SYN2: variants seen among roughly 807,000 people sequenced by gnomAD.
SYN2 encodes the protein synapsin II.
A neutral mutation model predicts 50.9 loss-of-function variants in SYN2; 19 were observed. That is an observed-to-expected ratio of 0.37 (90% confidence interval 0.26 to 0.55). SYN2 has a LOEUF of 0.55. Among genes scored for constraint, SYN2 ranks in the 20% least tolerant of loss-of-function variants. The pLI, the probability that SYN2 is intolerant of heterozygous loss-of-function variation, is 0.81. For synonymous variants in SYN2, 255 were observed against 224.9 expected, an observed-to-expected ratio of 1.13 and a Z score of -1.20; for missense variants, 587 against 576.4, an observed-to-expected ratio of 1.02 and a Z score of -0.19.
chr3:12,069,885 C>T (rs751727196), intron 1 of SYN2, among the ~76,000 whole-genome samples: 1 of 151,178 alleles, frequency 6.6e-6, no homozygotes, highest in Non-Finnish European at 1.5e-5. Context: ...TAGCTCAGTA[C>T]AGTCTCAACC....
intron 1 of SYN2, among the ~76,000 whole-genome samples, chr3:12,050,020 G>A (rs773192033): frequency 2.0e-4 from 30 of 152,032 alleles, no homozygotes; most frequent in East Asian, 3.9e-4. Flanking sequence ...CTGCCCCAGC[G>A]TCCCAAGTAG....
chr3:12,012,006 G>A (rs1401920880), intron 1 of SYN2, among the ~76,000 whole-genome samples: 5 of 151,994 alleles, frequency 3.3e-5, no homozygotes, highest in Non-Finnish European at 7.4e-5. Flanking sequence ...CCTTTTTTGA[G>A]TTCCCAAAAT....
intron 1 of SYN2, among the ~76,000 whole-genome samples, chr3:12,082,354 T>G (rs1695600574): frequency 6.6e-6 from 1 of 152,176 alleles, no homozygotes; most frequent in Non-Finnish European, 1.5e-5. Flanking sequence ...AAGCAGGTAT[T>G]CAGCATAAAG....
At chr3:12,138,180 A>G (rs964005064) in intron 1 of SYN2, among the ~76,000 whole-genome samples, 1 of 152,254 alleles carries the variant, frequency 6.6e-6, no homozygotes, top group Non-Finnish European at 1.5e-5. Context: ...CTCATTCTCC[A>G]GAAGAGGGCT....
intron 1 of SYN2, among the ~76,000 whole-genome samples, chr3:12,055,266 A>G (rs929043227): frequency 6.6e-6 from 1 of 152,156 alleles, no homozygotes; most frequent in Non-Finnish European, 1.5e-5. Context: ...AAATTTGAAA[A>G]CACCACTAAA....
intron 1 of SYN2, among the ~76,000 whole-genome samples, chr3:12,042,290 G>A (rs1485781947): frequency 6.6e-6 from 1 of 152,104 alleles, no homozygotes; most frequent in African/African-American, 2.4e-5. Flanking sequence ...CAAATTTTGT[G>A]ATACTTCTAT....
At chr3:12,171,013 G>A (rs1697925042) in intron 10 of SYN2, among the ~76,000 whole-genome samples, 1 of 152,204 alleles carries the variant, frequency 6.6e-6, no homozygotes, top group East Asian at 1.9e-4. Flanking sequence ...ATTTCTTTGA[G>A]TAGAATACTT....
intron 1 of SYN2, among the ~76,000 whole-genome samples, chr3:12,111,922 T>G (rs951824544): frequency 1.3e-5 from 2 of 152,166 alleles, no homozygotes; most frequent in Non-Finnish European, 2.9e-5. Context: ...TGGTGTCTGA[T>G]AAAATGAAAT....
chr3:12,145,150 C>T (rs1014489031), intron 3 of SYN2, among the ~76,000 whole-genome samples: 1 of 152,134 alleles, frequency 6.6e-6, no homozygotes, highest in African/African-American at 2.4e-5. Flanking sequence ...GCATGCACTC[C>T]CAGCACTTTG....
intron 1 of SYN2, among the ~76,000 whole-genome samples, chr3:12,054,361 C>T (rs533070915): frequency 6.6e-6 from 1 of 152,268 alleles, no homozygotes; most frequent in Non-Finnish European, 1.5e-5. Context: ...CATAGTGGCA[C>T]TTCATCTGAA....
At chr3:12,119,383 T>C (rs1386184883) in intron 1 of SYN2, among the ~76,000 whole-genome samples, 1 of 152,212 alleles carries the variant, frequency 6.6e-6, no homozygotes, top group African/African-American at 2.4e-5. Context: ...TTTGTGCTCC[T>C]TGAGGACAAG....
intron 1 of SYN2, among the ~76,000 whole-genome samples, chr3:12,118,709 T>C (rs1696487124): frequency 6.6e-6 from 1 of 152,184 alleles, no homozygotes; most frequent in Non-Finnish European, 1.5e-5. Flanking sequence ...ATATTTGTTA[T>C]AGCATTATAC....
Position 12,050,891 on chromosome 3 carries a change from G to A in SYN2, c.377+45963G>A, listed in dbSNP as rs547461025. Among the ~76,000 whole-genome samples the A allele has an allele frequency of 1.3e-4, 20 of 150,678 alleles. No homozygotes were observed. In the South Asian group the frequency reaches 3.0e-3, roughly 22 times the overall value. ...GCTGGGACTACAGGCGCCCGCCACC[G>A]CGCCCGGCTACTTTTTTGTATTTTT... is the stretch of plus-strand genomic sequence containing the variant. On this transcript the variant is annotated intron_variant, in intron 1 of 12. Transcript: ENST00000621198.
At chr3:12,112,389 T>C (rs1696340393) in intron 1 of SYN2, among the ~76,000 whole-genome samples, 1 of 152,160 alleles carries the variant, frequency 6.6e-6, no homozygotes, top group African/African-American at 2.4e-5. Context: ...CATGGGCCAC[T>C]TAGGTTTGGT....
At chr3:12,025,357 C>G (rs1463464149) in intron 1 of SYN2, among the ~76,000 whole-genome samples, 1 of 152,156 alleles carries the variant, frequency 6.6e-6, no homozygotes, top group Admixed American at 6.5e-5. Flanking sequence ...TTATAGGAAA[C>G]TTGACTAGAG....
chr3:12,188,131 A>C (rs533874512), intron 12 of SYN2, among the ~76,000 whole-genome samples: 1 of 152,356 alleles, frequency 6.6e-6, no homozygotes, highest in East Asian at 1.9e-4. Context: ...CCATTTCAAC[A>C]TTTTACCTTC....
chr3:12,153,103 G>A (rs1697350799), intron 5 of SYN2: 1 of 251,596 alleles, frequency 4.0e-6, no homozygotes, highest in Non-Finnish European at 8.0e-6. Flanking sequence ...GCCTGTTTAT[G>A]ATGCTGTCAA....
chr3:12,019,385 G>T (rs1297562325), intron 1 of SYN2, among the ~76,000 whole-genome samples: 1 of 152,016 alleles, frequency 6.6e-6, no homozygotes, highest in Non-Finnish European at 1.5e-5. Context: ...CCTTTTTCAG[G>T]TTTCTGCATT....
At chr3:12,110,837 AC>A (rs1427594058) in intron 1 of SYN2, among the ~76,000 whole-genome samples, 7 of 152,092 alleles carry the variant, frequency 4.6e-5, no homozygotes, top group Middle Eastern at 3.2e-3. Context: ...GGCTGTATTT[AC>A]CCATTGCCTG....
Sources: allele counts gnomAD v4.1 joint callset (sites outside exome capture counted in the v4.1 genomes callset), GRCh38; gene constraint gnomAD v4.1.1; transcripts MANE v1.5; gene names NCBI Gene and HGNC (gene_info 2026-07-23, HGNC 2026-07-21).